Variants in DYNLL2 observed in about 807,000 individuals in gnomAD.
DYNLL2 encodes the protein dynein light chain LC8-type 2.
DYNLL2 carries 1 observed loss-of-function variant against 9.7 expected under a neutral mutation model. That is an observed-to-expected ratio of 0.10 (90% CI 0.04 to 0.49). The LOEUF is 0.49. Ranked by LOEUF, DYNLL2 falls within the 20% of genes least tolerant of loss-of-function variation. The pLI, the probability that DYNLL2 is intolerant of heterozygous loss-of-function variation, is 0.95. For missense variants in DYNLL2, 37 were observed against 115.2 expected, an observed-to-expected ratio of 0.32 and a Z score of 3.11; for synonymous variants, 35 against 40.5, an observed-to-expected ratio of 0.86 and a Z score of 0.52.
chr17:58,088,651 C>T (rs2075769236), intron 2 of DYNLL2, among the ~76,000 whole-genome samples: 2 of 152,202 alleles, frequency 1.3e-5, no homozygotes, highest in South Asian at 4.1e-4. Flanking sequence ...ATAGTAGTGC[C>T]TCCTGGTACT....
Position 58,089,459 on chromosome 17 carries a change from T to C in DYNLL2, c.*180T>C, listed in dbSNP as rs1395529705. ...AAACAAAACCAAACCTCTTTCTGTTTAGTTGCCTGGGGGAAGAAGGCTGCT... is the reference window on the plus strand; with the variant it reads ...AAACAAAACCAAACCTCTTTCTGTTCAGTTGCCTGGGGGAAGAAGGCTGCT... On this transcript the variant is annotated 3_prime_UTR_variant, in exon 3 of 3. Transcript: ENST00000579991. 2.7e-6 allele frequency: 2 copies of C among 732,992 alleles called. No homozygotes were observed. The highest frequency in any genetic ancestry group is 4.1e-6 in the Non-Finnish European group (2 of 491,680). The allele number at this position is 732,992 out of a possible 1,614,324, so 45.4% of individuals were successfully genotyped here.
Position 58,090,022 on chromosome 17 carries a change from T to G in DYNLL2, c.*743T>G. ...ATGACAGGAGGATGCTGGGGTAGGA[T>G]TAGCTTGAATCTTTTTTTTCTTTAC... On this transcript the variant is annotated 3_prime_UTR_variant, in exon 3 of 3. Coordinates refer to ENST00000579991, the MANE Select transcript of DYNLL2 (RefSeq NM_080677.3). The G allele has an allele frequency of 2.5e-6, 1 of 398,044 alleles. No individual in the cohort carries two copies. The highest frequency in any genetic ancestry group is 2.1e-5 in the African/African-American group (1 of 48,692). 24.7% of individuals were successfully genotyped at this position (398,044 alleles called of 1,614,324 possible).
rs1477118314 is a variant in DYNLL2 at position 58,083,427 on chromosome 17, A to T, written c.-266A>T. 1.9e-5 allele frequency: 2 copies of T among 102,720 alleles called. No homozygotes were observed. The highest frequency in any genetic ancestry group is 3.9e-5 in the Non-Finnish European group (2 of 51,714). The allele number at this position is 102,720 out of a possible 1,614,324, so 6.4% of individuals were successfully genotyped here. A position where few individuals can be genotyped will look rare whatever the true frequency, so the allele number is the denominator to read the frequency against. ...GCGCGTCGGCCGCGCTCAGCGGCAG[A>T]GCGGAGCGGAGCTGTGAGGCGCCAG... On this transcript the variant is annotated 5_prime_UTR_variant, in exon 1 of 3. Transcript: ENST00000579991.
intron 1 of DYNLL2, among the ~76,000 whole-genome samples, chr17:58,086,282 T>C (rs1405815493): frequency 6.6e-6 from 1 of 152,238 alleles, no homozygotes; most frequent in African/African-American, 2.4e-5. Flanking sequence ...ATAGGAAATA[T>C]TTTTGGCTTT....
chr17:58,086,456 TACA>T (rs1567766008), intron 1 of DYNLL2, among the ~76,000 whole-genome samples: 2 of 152,238 alleles, frequency 1.3e-5, no homozygotes, highest in Admixed American at 1.3e-4. Context: ...AGTTAATCTT[TACA>T]ACAACTCGCG....
At chr17:58,085,103 C>A (rs2075754533) in intron 1 of DYNLL2, among the ~76,000 whole-genome samples, 1 of 152,236 alleles carries the variant, frequency 6.6e-6, no homozygotes, top group Non-Finnish European at 1.5e-5. Context: ...ATGGTGCTCA[C>A]AGACTCCAGT....
chr17:58,084,139 G>T (rs1398714344), intron 1 of DYNLL2, among the ~76,000 whole-genome samples: 1 of 151,982 alleles, frequency 6.6e-6, no homozygotes, highest in Non-Finnish European at 1.5e-5. Flanking sequence ...GGCCGGGTGG[G>T]GGAGGGCGGC....
chr17:58,088,676 T>G (rs2075769351), intron 2 of DYNLL2, among the ~76,000 whole-genome samples: 1 of 152,234 alleles, frequency 6.6e-6, no homozygotes, highest in Non-Finnish European at 1.5e-5. Context: ...ATGTTTGGTC[T>G]TGTTTTGCTC....
chr17:58,083,978 C>T (rs998092031), intron 1 of DYNLL2, among the ~76,000 whole-genome samples: 3 of 151,898 alleles, frequency 2.0e-5, no homozygotes, highest in African/African-American at 7.2e-5. Context: ...CCGGGAGTCT[C>T]TCTGCGCTGC....
At chr17:58,084,151 G>T (rs1399470058) in intron 1 of DYNLL2, among the ~76,000 whole-genome samples, 1 of 151,688 alleles carries the variant, frequency 6.6e-6, no homozygotes, top group African/African-American at 2.4e-5. Flanking sequence ...GAGGGCGGCC[G>T]ACCGGCCGGG....
intron 2 of DYNLL2, among the ~76,000 whole-genome samples, chr17:58,087,657 G>A (rs942832927): frequency 6.6e-6 from 1 of 152,140 alleles, no homozygotes; most frequent in Non-Finnish European, 1.5e-5. Flanking sequence ...TCATGTAGGA[G>A]GTTTCCTTTT....
intron 2 of DYNLL2, among the ~76,000 whole-genome samples, chr17:58,088,844 C>T (rs980870396): frequency 2.0e-5 from 3 of 150,922 alleles, no homozygotes; most frequent in African/African-American, 2.4e-5. Context: ...CTAGGGGTGG[C>T]GTGAGGGGGT....
rs2075794501 is a variant in DYNLL2, at chr17:58,095,382, G to A, written c.*6103G>A. 1 of 152,148 alleles carries A rather than the reference G, an allele frequency of 6.6e-6. No homozygotes were observed. The highest frequency in any genetic ancestry group is 2.1e-4 in the South Asian group (1 of 4,828). The allele number at this position is 152,148 out of a possible 1,614,324, so 9.4% of individuals were successfully genotyped here. Reference sequence around the variant, plus strand: ...CTTAATCTAAATGACACATTCACATGATACATTATTCTAAAGGCACAAAAA... The same window carrying A: ...CTTAATCTAAATGACACATTCACATAATACATTATTCTAAAGGCACAAAAA... On this transcript the variant is annotated 3_prime_UTR_variant, in exon 3 of 3. Transcript: ENST00000579991.
chr17:58,083,875 C>T (rs997558948), intron 1 of DYNLL2, among the ~76,000 whole-genome samples, 192 bp downstream of exon 1: 1 of 151,452 alleles, frequency 6.6e-6, no homozygotes. Flanking sequence ...GCCCCTCCCT[C>T]TCGGCGCAGC....
chr17:58,085,383 T>A (rs2075755982), intron 1 of DYNLL2, among the ~76,000 whole-genome samples: 4 of 152,194 alleles, frequency 2.6e-5, no homozygotes, highest in Admixed American at 2.6e-4. Flanking sequence ...AACTCCGAGA[T>A]CAAGGTGGCC....
chr17:58,084,183 C>A (rs868431887), intron 1 of DYNLL2, among the ~76,000 whole-genome samples: 105 of 149,780 alleles, frequency 7.0e-4, no homozygotes, highest in African/African-American at 2.5e-3. Flanking sequence ...TGGCCGGCGG[C>A]GCGGGCGGGA....
chr17:58,089,850 G>T lies in DYNLL2; in HGVS notation c.*571G>T. 1 of 398,754 alleles carries T rather than the reference G, an allele frequency of 2.5e-6. No homozygotes were observed. Among genetic ancestry groups the T allele is most frequent in the Non-Finnish European group, 4.4e-6 (1 of 226,266 alleles). The allele number at this position is 398,754 out of a possible 1,614,324, so 24.7% of individuals were successfully genotyped here. On this transcript the variant is annotated 3_prime_UTR_variant, in exon 3 of 3. Coordinates refer to ENST00000579991, the MANE Select transcript of DYNLL2 (RefSeq NM_080677.3). Reference sequence around the variant, plus strand: ...ATGGCTTGGGGCGGAGGGTGGGGTGGGGATGCCTTCTTTAGGGGCCCTGAG... The same window carrying T: ...ATGGCTTGGGGCGGAGGGTGGGGTGTGGATGCCTTCTTTAGGGGCCCTGAG...
chr17:58,089,412 G>C lies in DYNLL2; in HGVS notation c.*133G>C, dbSNP rs372402569. On this transcript the variant is annotated 3_prime_UTR_variant, in exon 3 of 3. Coordinates refer to ENST00000579991, the MANE Select transcript of DYNLL2 (RefSeq NM_080677.3). Reference sequence around the variant, plus strand: ...GTGCTACTGCATGGACTGTATACTCGATTTCATGTGTATGTCGCAGTAAAC... The same window carrying C: ...GTGCTACTGCATGGACTGTATACTCCATTTCATGTGTATGTCGCAGTAAAC... 1 of 1,177,368 alleles carries C rather than the reference G, an allele frequency of 8.5e-7. No individual in the cohort carries two copies. Among genetic ancestry groups the C allele is most frequent in the African/African-American group, 1.6e-5 (1 of 64,358 alleles). 72.9% of individuals were successfully genotyped at this position (1,177,368 alleles called of 1,614,324 possible).
chr17:58,089,431 A>G lies in DYNLL2; in HGVS notation c.*152A>G. 1 of 1,013,956 alleles carries G rather than the reference A, an allele frequency of 9.9e-7. No homozygotes were observed. Among genetic ancestry groups the G allele is most frequent in the Non-Finnish European group, 1.4e-6 (1 of 728,162 alleles). The allele number at this position is 1,013,956 out of a possible 1,614,324, so 62.8% of individuals were successfully genotyped here. A position where few individuals can be genotyped will look rare whatever the true frequency, so the allele number is the denominator to read the frequency against. Reference sequence around the variant, plus strand: ...ATACTCGATTTCATGTGTATGTCGCAGTAAACAAAACCAAACCTCTTTCTG... The same window carrying G: ...ATACTCGATTTCATGTGTATGTCGCGGTAAACAAAACCAAACCTCTTTCTG... On this transcript the variant is annotated 3_prime_UTR_variant, in exon 3 of 3. Transcript: ENST00000579991.
Sources: gnomAD v4.1 joint callset for allele counts (sites outside exome capture counted in the v4.1 genomes callset) on GRCh38, gnomAD v4.1.1 for gene constraint, MANE v1.5 for transcripts, NCBI Gene and HGNC (gene_info 2026-07-23, HGNC 2026-07-21) for gene names.